The following EYA3 variants were observed in gnomAD, a reference collection of about 807,000 sequenced individuals.
EYA3 encodes EYA transcriptional coactivator and phosphatase 3.
Under a neutral mutation model 80.0 loss-of-function variants are expected in EYA3, and 39 were observed. The observed-to-expected ratio is 0.49, with a 90% CI of 0.38 to 0.64. The LOEUF is 0.64. Among genes scored for constraint, EYA3 ranks in the 30% least tolerant of loss-of-function variants. The probability of loss-of-function intolerance (pLI) is 0.00; values close to 1 mark genes in which losing one functional copy is unlikely to be tolerated. For synonymous variants in EYA3, 206 were observed against 232.8 expected (o/e 0.88, Z 1.05); for missense variants, 523 against 676.1 (o/e 0.77, Z 2.51).
chr1:28,060,233 ACACT>A (rs1313420697), intron 1 of EYA3, among the ~76,000 whole-genome samples: 4 of 152,236 alleles, frequency 2.6e-5, no homozygotes, highest in African/African-American at 9.6e-5. Context: ...ATGTGTATAC[ACACT>A]CAATAATGTG....
chr1:28,004,465 T>C, intron 10 of EYA3, 46 bp from the exon 11 acceptor site: 1 of 1,401,070 alleles, frequency 7.1e-7, no homozygotes, highest in Non-Finnish European at 1.0e-6. Context: ...CCAATTACAA[T>C]GGAATGAAAC....
At chr1:28,038,972 C>T in intron 4 of EYA3, 67 bp from the exon 5 acceptor site, 2 of 962,232 alleles carry the variant, frequency 2.1e-6, no homozygotes, top group Non-Finnish European at 3.3e-6. Flanking sequence ...GGGAAAACTG[C>T]ACATCTCACT....
chr1:28,018,010 C>T (rs1309658760), intron 7 of EYA3, among the ~76,000 whole-genome samples: 3 of 151,924 alleles, frequency 2.0e-5, no homozygotes, highest in East Asian at 1.9e-4. Flanking sequence ...GCCTTGCCAA[C>T]GTGGTGAAAC....
At position 28,023,800 on chromosome 1, in the gene EYA3, A is replaced by T. The variant is rs1642601531; in HGVS notation, c.499+3989T>A. ...AACAACGGACTTAGTTAATAATAAC[A>T]TACTAATACTGGTTCACTAATTGTA... On this transcript the variant is annotated intron_variant, in intron 7 of 17. Transcript: ENST00000373871. 3.3e-5 allele frequency among the ~76,000 whole-genome samples: 5 copies of T among 152,242 alleles called. No homozygotes were observed. In the South Asian group the frequency reaches 1.0e-3, roughly 31 times the overall value.
intron 1 of EYA3, among the ~76,000 whole-genome samples, chr1:28,067,199 G>C (rs1644863633): frequency 6.6e-6 from 1 of 152,122 alleles, no homozygotes; most frequent in African/African-American, 2.4e-5. Context: ...TTACATACAG[G>C]GGGGAAAGAA....
intron 7 of EYA3, among the ~76,000 whole-genome samples, chr1:28,021,609 CTTT>C (rs113081277): frequency 1.4e-5 from 2 of 144,588 alleles, no homozygotes; most frequent in African/African-American, 2.5e-5. Flanking sequence ...AATCATTCTT[CTTT>C]TTTTTTTTTT....
At chr1:28,021,947 A>G (rs1642465040) in intron 7 of EYA3, among the ~76,000 whole-genome samples, 2 of 151,916 alleles carry the variant, frequency 1.3e-5, no homozygotes, top group Admixed American at 1.3e-4. Context: ...GTGGGTTCCT[A>G]AAACTTACTC....
intron 16 of EYA3, among the ~76,000 whole-genome samples, chr1:27,979,195 G>T (rs1228066079): frequency 2.0e-5 from 3 of 152,040 alleles, no homozygotes; most frequent in Non-Finnish European, 4.4e-5. Flanking sequence ...AATGTTTTAG[G>T]GTAGAAAAGA....
At chr1:28,056,226 T>C (rs988116778) in intron 2 of EYA3, among the ~76,000 whole-genome samples, 5 of 152,090 alleles carry the variant, frequency 3.3e-5, no homozygotes, top group African/African-American at 9.7e-5. Context: ...CTGCCCTAAA[T>C]CATAAATCAA....
chr1:28,039,660 T>C (rs1217135876), intron 4 of EYA3, among the ~76,000 whole-genome samples: 2 of 152,178 alleles, frequency 1.3e-5, no homozygotes, highest in Non-Finnish European at 2.9e-5. Context: ...TAACTTTATG[T>C]CTAATTAGGT....
chr1:28,041,638 G>A (rs1643788098), intron 4 of EYA3, among the ~76,000 whole-genome samples: 1 of 151,922 alleles, frequency 6.6e-6, no homozygotes, highest in South Asian at 2.1e-4. Context: ...AGGTATAGAT[G>A]TAGACTTCAA....
At chr1:28,028,290 C>T (rs1048627470) in intron 6 of EYA3, among the ~76,000 whole-genome samples, 1 of 152,026 alleles carries the variant, frequency 6.6e-6, no homozygotes, top group African/African-American at 2.4e-5. Flanking sequence ...ATAATTTATC[C>T]AAACTGTCAA....
At chr1:27,997,885 T>C (rs1210723403) in intron 12 of EYA3, among the ~76,000 whole-genome samples, 1 of 152,230 alleles carries the variant, frequency 6.6e-6, no homozygotes, top group East Asian at 1.9e-4. Flanking sequence ...AGTCAGGAGT[T>C]AGAAGAGGTC....
intron 7 of EYA3, 132 bp from the exon 8 acceptor site, chr1:28,017,371 G>A (rs1000008028): frequency 3.4e-5 from 22 of 642,628 alleles, no homozygotes; most frequent in Middle Eastern, 3.6e-4. Flanking sequence ...ACAAACACTC[G>A]TTTTGCTTTT....
chr1:28,023,514 G>C (rs1363033907), intron 7 of EYA3, among the ~76,000 whole-genome samples: 1 of 152,182 alleles, frequency 6.6e-6, no homozygotes, highest in Non-Finnish European at 1.5e-5. Context: ...CCTTGCCTTT[G>C]TGACCTTCCT....
In EYA3 at chr1:28,038,918, T is replaced by C; in HGVS notation, c.158-13A>G. 1 of 1,573,390 alleles carries C rather than the reference T, an allele frequency of 6.4e-7. No homozygotes were observed. Among genetic ancestry groups the C allele is most frequent in the Middle Eastern group, 1.7e-4 (1 of 5,938 alleles). Reference sequence around the variant, plus strand: ...GTGCATGTCATAACTGAAAGAAAGATAATATCACCAGGTTAAAAAGTTAGA... The same window carrying C: ...GTGCATGTCATAACTGAAAGAAAGACAATATCACCAGGTTAAAAAGTTAGA... On this transcript the variant is annotated splice_polypyrimidine_tract_variant and intron_variant, in intron 4 of 17. Transcript: ENST00000373871.
chr1:28,028,699 G>A lies in EYA3; in HGVS notation c.362-773C>T, dbSNP rs372877915. On this transcript the variant is annotated intron_variant, in intron 6 of 17. Transcript: ENST00000373871. ...CCTTTAGTGCTGGGATTATAGGCAT[G>A]AGCCACTACACTCAGTCCAGATTTC... 2.6e-5 allele frequency among the ~76,000 whole-genome samples: 4 copies of A among 151,662 alleles called. No homozygotes were observed. In the East Asian group the frequency reaches 5.8e-4, roughly 22 times the overall value.
intron 16 of EYA3, among the ~76,000 whole-genome samples, chr1:27,984,282 C>T (rs1639504027): frequency 6.6e-6 from 1 of 152,140 alleles, no homozygotes; most frequent in Non-Finnish European, 1.5e-5. Context: ...TCAAGTGATG[C>T]CTTGGCCTCC....
intron 7 of EYA3, among the ~76,000 whole-genome samples, chr1:28,022,393 C>G (rs916829479): frequency 6.6e-6 from 1 of 152,000 alleles, no homozygotes; most frequent in Non-Finnish European, 1.5e-5. Flanking sequence ...CGTGATCTGC[C>G]TGCATCCACC....
Sources: gnomAD v4.1 joint callset for allele counts (sites outside exome capture counted in the v4.1 genomes callset) on GRCh38, gnomAD v4.1.1 for gene constraint, MANE v1.5 for transcripts, NCBI Gene and HGNC (gene_info 2026-07-23, HGNC 2026-07-21) for gene names.